PITPNM3: variants seen among roughly 807,000 people sequenced by gnomAD.
PITPNM3 encodes the protein PITPNM family member 3.
A neutral mutation model predicts 102.0 loss-of-function variants in PITPNM3; 26 were observed. The observed-to-expected ratio is 0.25, with a 90% CI of 0.19 to 0.35. PITPNM3 has a LOEUF of 0.35. Among genes scored for constraint, PITPNM3 ranks in the 10% least tolerant of loss-of-function variants. The probability of loss-of-function intolerance (pLI) is 1.00; values close to 1 mark genes in which losing one functional copy is unlikely to be tolerated. For synonymous variants in PITPNM3, 578 were observed against 558.6 expected (o/e 1.03, Z -0.49); for missense variants, 1,083 against 1,346.1 (o/e 0.80, Z 3.06).
Position 6,517,667 on chromosome 17 carries a change from C to G in PITPNM3, c.226+7689G>C, listed in dbSNP as rs1394844302. On this transcript the variant is annotated intron_variant, in intron 3 of 19. Transcript: ENST00000262483. This position sits in a 1 kb window ranked among gnomAD's most constrained non-coding sequence, Gnocchi z 4.1. ...CTTAACCTCCTGGGTTCAAGCAACC[C>G]TCTCACCTCAGCCTCCAGAATAACT... Among the ~76,000 whole-genome samples the G allele has an allele frequency of 6.6e-6, 1 of 152,130 alleles. No individual in the cohort carries two copies. Among genetic ancestry groups the G allele is most frequent in the Non-Finnish European group, 1.5e-5 (1 of 68,022 alleles).
chr17:6,542,490 G>A (rs1329361428), intron 1 of PITPNM3, among the ~76,000 whole-genome samples: 1 of 152,124 alleles, frequency 6.6e-6, no homozygotes. Flanking sequence ...TCCAGCCATG[G>A]GTGAAAATTT....
intron 4 of PITPNM3, among the ~76,000 whole-genome samples, chr17:6,491,312 T>C (rs1906467873): frequency 6.6e-6 from 1 of 152,024 alleles, no homozygotes. Flanking sequence ...AACCCATAGC[T>C]CTCACCACTT....
intron 1 of PITPNM3, among the ~76,000 whole-genome samples, chr17:6,540,840 G>A (rs1909693284): frequency 6.6e-6 from 1 of 152,144 alleles, no homozygotes; most frequent in African/African-American, 2.4e-5. Context: ...TGTATTTTTA[G>A]TAGAGACGGG....
chr17:6,472,691 C>A lies in PITPNM3; in HGVS notation c.1395G>T (p.Arg465Ser), dbSNP rs762363934. 5 of 1,613,836 alleles carry A rather than the reference C, an allele frequency of 3.1e-6. No homozygotes were observed. The highest frequency in any genetic ancestry group is 4.2e-6 in the Non-Finnish European group (5 of 1,179,954). ...VPPVSVPRYQ[R>S]FPLGDGQSLL... Reference sequence around the variant, plus strand: ...GGGACTGCCCATCGCCCAGTGGGAACCTCTGGTAGCGAGGCACGCTGACAG... The same window carrying A: ...GGGACTGCCCATCGCCCAGTGGGAAACTCTGGTAGCGAGGCACGCTGACAG... Residue 465 changes from arginine to serine, a missense_variant, in exon 11 of 20, where the codon AGG becomes AGT. Coordinates refer to ENST00000262483, the MANE Select transcript of PITPNM3 (RefSeq NM_031220.4). The surrounding 1 kb of genome is among the most constrained non-coding windows in gnomAD (Gnocchi z 4.1).
intron 4 of PITPNM3, among the ~76,000 whole-genome samples, chr17:6,493,597 G>T (rs1906625469): frequency 6.6e-6 from 1 of 152,216 alleles, no homozygotes; most frequent in South Asian, 2.1e-4. Context: ...GCTGGGGAGG[G>T]AAGTTTCATC....
In PITPNM3 at chr17:6,478,159, G is replaced by T. The variant is rs773854843; in HGVS notation, c.778-62C>A. On this transcript the variant is annotated intron_variant, in intron 7 of 19. Transcript: ENST00000262483. The surrounding 1 kb of genome is among the most constrained non-coding windows in gnomAD (Gnocchi z 4.4). ...CTGCTGACCCCTCACCCCCACACCC[G>T]GCCAGAGCAGTGCTGCCTCCCCACA... 1.9e-6 allele frequency: 3 copies of T among 1,605,632 alleles called. No individual in the cohort carries two copies. Among genetic ancestry groups the T allele is most frequent in the Non-Finnish European group, 2.5e-6 (3 of 1,179,150 alleles).
chr17:6,500,131 G>A (rs573051568), intron 4 of PITPNM3, among the ~76,000 whole-genome samples: 130 of 152,290 alleles, frequency 8.5e-4, no homozygotes, highest in African/African-American at 2.8e-3. Flanking sequence ...GAAGCTGAGT[G>A]TCAAACCCAG....
In PITPNM3 at chr17:6,514,988, C is replaced by T. The variant is rs1476531690; in HGVS notation, c.226+10368G>A. 2.6e-5 allele frequency among the ~76,000 whole-genome samples: 4 copies of T among 152,162 alleles called. No individual in the cohort carries two copies. In the East Asian group the frequency reaches 7.7e-4, roughly 29 times the overall value. ...AAACATTATGTTAAGGGAAAGTAGTCACACACAAAAGGCTATATATTGTTT... is the reference window on the plus strand; with the variant it reads ...AAACATTATGTTAAGGGAAAGTAGTTACACACAAAAGGCTATATATTGTTT... On this transcript the variant is annotated intron_variant, in intron 3 of 19. Coordinates refer to ENST00000262483, the MANE Select transcript of PITPNM3 (RefSeq NM_031220.4).
chr17:6,482,419 C>G (rs1054672858), intron 6 of PITPNM3, among the ~76,000 whole-genome samples: 1 of 152,144 alleles, frequency 6.6e-6, no homozygotes, highest in African/African-American at 2.4e-5. Flanking sequence ...AGGGAAGCTC[C>G]GTGCCCCTTC....
chr17:6,524,819 A>G (rs1908733447), intron 3 of PITPNM3, among the ~76,000 whole-genome samples: 1 of 152,206 alleles, frequency 6.6e-6, no homozygotes, highest in Admixed American at 6.5e-5. Flanking sequence ...ATGGATGCCA[A>G]AAAGAATCAG....
Position 6,556,280 on chromosome 17 carries a change from T to C in PITPNM3, c.22+105A>G. The C allele has an allele frequency of 9.8e-7, 1 of 1,020,986 alleles. No homozygotes were observed. The highest frequency in any genetic ancestry group is 1.3e-6 in the Non-Finnish European group (1 of 762,854). The allele number at this position is 1,020,986 out of a possible 1,614,324, so 63.2% of individuals were successfully genotyped here. A position where few individuals can be genotyped will look rare whatever the true frequency, so the allele number is the denominator to read the frequency against. ...CCGCCCCCTACGCCCTCCCGGGACCTCCGCCCACCTGCGCGAGGGGTTCAC... is the reference window on the plus strand; with the variant it reads ...CCGCCCCCTACGCCCTCCCGGGACCCCCGCCCACCTGCGCGAGGGGTTCAC... On this transcript the variant is annotated intron_variant, in intron 1 of 19. Coordinates refer to ENST00000262483, the MANE Select transcript of PITPNM3 (RefSeq NM_031220.4). The surrounding 1 kb of genome is among the most constrained non-coding windows in gnomAD (Gnocchi z 5.2).
In PITPNM3 at chr17:6,474,679, G is replaced by A. The variant is rs79010537; in HGVS notation, c.1086-75C>T. On this transcript the variant is annotated intron_variant, in intron 9 of 19. Transcript: ENST00000262483. Reference sequence around the variant, plus strand: ...AATGCGGGAGTGTTCACACAGCAGCGCAGCCTGAATTCTGAGCGTGAAGTG... The same window carrying A: ...AATGCGGGAGTGTTCACACAGCAGCACAGCCTGAATTCTGAGCGTGAAGTG... The A allele has an allele frequency of 0.078, 114,832 of 1,479,346 alleles. 5,652 individuals are homozygous for A. The highest frequency in any genetic ancestry group is 0.23 in the African/African-American group (16,198 of 71,784). The allele number at this position is 1,479,346 out of a possible 1,614,324, so 91.6% of individuals were successfully genotyped here.
At position 6,517,467 on chromosome 17, in the gene PITPNM3, A is replaced by G. The variant is rs555011823; in HGVS notation, c.226+7889T>C. Among the ~76,000 whole-genome samples, 12 of 152,380 alleles carry G rather than the reference A, an allele frequency of 7.9e-5. No individual in the cohort carries two copies. The highest frequency in any genetic ancestry group is 6.8e-3 in the Middle Eastern group (2 of 294). On this transcript the variant is annotated intron_variant, in intron 3 of 19. Transcript: ENST00000262483. This position sits in a 1 kb window ranked among gnomAD's most constrained non-coding sequence, Gnocchi z 4.1. ...CTGGGGAGTTAGGAAGAGAAGGAAG[A>G]AAAAAGGTACAAACATCCTTCCCTG...
intron 3 of PITPNM3, among the ~76,000 whole-genome samples, chr17:6,514,508 A>T (rs895705225): frequency 6.6e-6 from 1 of 152,258 alleles, no homozygotes; most frequent in Non-Finnish European, 1.5e-5. Context: ...AAAGATGCTC[A>T]ACATCATTAG....
chr17:6,485,097 C>T (rs1905995882), intron 4 of PITPNM3, among the ~76,000 whole-genome samples: 1 of 152,088 alleles, frequency 6.6e-6, no homozygotes, highest in Non-Finnish European at 1.5e-5. Flanking sequence ...TCTCAGCCTC[C>T]ATCATCACGA....
At chr17:6,475,218 G>T (rs1905249345) in intron 9 of PITPNM3, among the ~76,000 whole-genome samples, 1 of 152,080 alleles carries the variant, frequency 6.6e-6, no homozygotes, top group Non-Finnish European at 1.5e-5. Context: ...CCCAGCCCCA[G>T]CCCACAGATG....
At position 6,483,764 on chromosome 17, in the gene PITPNM3, G is replaced by GA. The variant is rs1207989482; in HGVS notation, c.352-13_352-12insT. The GA allele has an allele frequency of 1.9e-6, 3 of 1,609,396 alleles. No individual in the cohort carries two copies. The highest frequency in any genetic ancestry group is 2.5e-6 in the Non-Finnish European group (3 of 1,179,806). Reference sequence around the variant, plus strand: ...TGCGGGCAGCCTTCCTGAGAGCCAAGGCGGTTGGAATACAGAGAGAGAGGC... The same window carrying GA: ...TGCGGGCAGCCTTCCTGAGAGCCAAGAGCGGTTGGAATACAGAGAGAGAGGC... On this transcript the variant is annotated splice_polypyrimidine_tract_variant and intron_variant, in intron 5 of 19. Transcript: ENST00000262483.
At position 6,531,537 on chromosome 17, in the gene PITPNM3, A is replaced by G. The variant is rs1457533477; in HGVS notation, c.119-6074T>C. Among the ~76,000 whole-genome samples, 5 of 152,208 alleles carry G rather than the reference A, an allele frequency of 3.3e-5. No individual in the cohort carries two copies. In the East Asian group the frequency reaches 7.7e-4, roughly 23 times the overall value. ...ATCCCTCACAATAAGGAGCTCACTC[A>G]AGGTCCAGGCATGGTTCCATTTTGA... On this transcript the variant is annotated intron_variant, in intron 2 of 19. Transcript: ENST00000262483.
rs1913942821 is a variant in PITPNM3, at chr17:6,453,151, CTCT to C, written c.*2184_*2186del. 6.8e-6 allele frequency: 1 copy of C among 146,580 alleles called. No homozygotes were observed. The highest frequency in any genetic ancestry group is 6.7e-5 in the Admixed American group (1 of 14,958). The allele number at this position is 146,580 out of a possible 1,614,324, so 9.1% of individuals were successfully genotyped here. On this transcript the variant is annotated 3_prime_UTR_variant, in exon 20 of 20. Transcript: ENST00000262483. ...TCTCTCTCTCTCTCTCTCCCTCTCTCTCTTTCTCTCTCCCTCTCCCTCTCTCGC... is the reference window on the plus strand; with the variant it reads ...TCTCTCTCTCTCTCTCTCCCTCTCTCTTCTCTCTCCCTCTCCCTCTCTCGC...
Sources: allele counts gnomAD v4.1 joint callset (sites outside exome capture counted in the v4.1 genomes callset), GRCh38; gene constraint gnomAD v4.1.1; non-coding constraint Gnocchi (gnomAD v3.1); transcripts MANE v1.5; gene names NCBI Gene and HGNC (gene_info 2026-07-23, HGNC 2026-07-21).